MACC1: variants seen among roughly 807,000 people sequenced by gnomAD.
The protein encoded by MACC1 is MET transcriptional regulator MACC1, also known as metastasis-associated in colon cancer protein 1.
Under a neutral mutation model 70.7 loss-of-function variants are expected in MACC1, and 79 were observed. The ratio of observed to expected loss-of-function variants is 1.12; its 90% CI spans 0.93 to 1.35. The LOEUF (loss-of-function observed/expected upper bound fraction) is 1.35. Ranked by LOEUF, MACC1 falls within the 40% of genes most tolerant of loss-of-function variation. The pLI is 0.00. For synonymous variants in MACC1, 361 were observed against 347.2 expected (o/e 1.04, Z -0.44); for missense variants, 1,106 against 978.1 (o/e 1.13, Z -1.74).
chr7:20,162,259 T>C (rs1213742974), intron 3 of MACC1, among the ~76,000 whole-genome samples: 2 of 152,152 alleles, frequency 1.3e-5, no homozygotes, highest in African/African-American at 2.4e-5. Context: ...AATCCTTGTA[T>C]ACATTCGATG....
intron 6 of MACC1, among the ~76,000 whole-genome samples, chr7:20,145,745 T>G (rs998602772): frequency 4.6e-5 from 7 of 152,080 alleles, no homozygotes; most frequent in African/African-American, 1.7e-4. Flanking sequence ...GGCACAAAAT[T>G]AGAGGGGCAA....
intron 1 of MACC1, among the ~76,000 whole-genome samples, chr7:20,197,507 T>G (rs981416749): frequency 5.3e-5 from 8 of 152,246 alleles, no homozygotes; most frequent in Non-Finnish European, 1.0e-4. Flanking sequence ...TTTTTACATG[T>G]TGTCCTGGCT....
Position 20,135,608 on chromosome 7 carries a change from G to C in MACC1, c.*5338C>G, listed in dbSNP as rs772409285. The C allele has an allele frequency of 2.6e-5, 4 of 152,210 alleles. No individual in the cohort carries two copies. The highest frequency in any genetic ancestry group is 4.1e-4 in the South Asian group (2 of 4,834). 9.4% of individuals were successfully genotyped at this position (152,210 alleles called of 1,614,324 possible). A position where few individuals can be genotyped will look rare whatever the true frequency, so the allele number is the denominator to read the frequency against. ...CAGACCCTCTGAATGAGAAATTCTG[G>C]TGGTCGAGCCCAGCAGTCTGTTTCA... On this transcript the variant is annotated 3_prime_UTR_variant, in exon 7 of 7. Coordinates refer to ENST00000400331, the MANE Select transcript of MACC1 (RefSeq NM_182762.4).
Position 20,160,136 on chromosome 7 carries a change from G to T in MACC1, c.225C>A (p.Asn75Lys). 1 of 1,613,310 alleles carries T rather than the reference G, an allele frequency of 6.2e-7. No homozygotes were observed. Among genetic ancestry groups the T allele is most frequent in the Non-Finnish European group, 8.5e-7 (1 of 1,179,806 alleles). Reference sequence around the variant, plus strand: ...GTTGAGTTATGTCATCCAAAAATGGGTTAGAAGCAGACAGTTGATTCCAGA... The same window carrying T: ...GTTGAGTTATGTCATCCAAAAATGGTTTAGAAGCAGACAGTTGATTCCAGA... The part of the protein sequence containing the change: ...NPFWNQLSAS[N>K]PFLDDITQLR... Residue 75 changes from asparagine to lysine, a missense_variant, in exon 5 of 7, where the codon AAC becomes AAA. Coordinates refer to ENST00000400331, the MANE Select transcript of MACC1 (RefSeq NM_182762.4).
rs117126221 is a variant in MACC1, at chr7:20,213,783, G to A, written c.-218+3516C>T. 7.5e-3 allele frequency among the ~76,000 whole-genome samples: 1,142 copies of A among 152,102 alleles called. 26 individuals carry two copies. The highest frequency in any genetic ancestry group is 0.037 in the Admixed American group (560 of 15,282). On this transcript the variant is annotated intron_variant, in intron 1 of 6. Transcript: ENST00000400331. ...GGTGGAGGGTGGGAGGAGGCAGAGGGTCAAGATAAATAACTTGGGTACTAG... is the reference window on the plus strand; with the variant it reads ...GGTGGAGGGTGGGAGGAGGCAGAGGATCAAGATAAATAACTTGGGTACTAG...
Position 20,205,696 on chromosome 7 carries a change from G to T in MACC1, c.-218+11603C>A, listed in dbSNP as rs376854401. Among the ~76,000 whole-genome samples the T allele has an allele frequency of 2.6e-3, 396 of 151,852 alleles. 2 individuals are homozygous for T. Among genetic ancestry groups the T allele is most frequent in the African/African-American group, 9.2e-3 (380 of 41,424 alleles). On this transcript the variant is annotated intron_variant, in intron 1 of 6. Transcript: ENST00000400331. Reference sequence around the variant, plus strand: ...TTTAAACATTTCTCAAGGGTTTTTTGTTTGTTTGTTTGTTTCTTCTCACTT... The same window carrying T: ...TTTAAACATTTCTCAAGGGTTTTTTTTTTGTTTGTTTGTTTCTTCTCACTT...
intron 1 of MACC1, among the ~76,000 whole-genome samples, chr7:20,200,935 A>T (rs185288361): frequency 8.2e-4 from 125 of 152,330 alleles, no homozygotes; most frequent in African/African-American, 2.7e-3. Context: ...AAAAGTATCA[A>T]CCTAAGCCTA....
intron 1 of MACC1, among the ~76,000 whole-genome samples, chr7:20,206,956 T>C (rs1026833640): frequency 2.0e-5 from 3 of 152,190 alleles, no homozygotes; most frequent in Non-Finnish European, 2.9e-5. Context: ...CTCTAAAATC[T>C]TCTGCCACGT....
chr7:20,193,545 G>A (rs1270308497), intron 1 of MACC1, among the ~76,000 whole-genome samples: 1 of 152,146 alleles, frequency 6.6e-6, no homozygotes, highest in African/African-American at 2.4e-5. Context: ...GTTGCATCCT[G>A]TTATAGACAA....
chr7:20,178,185 C>CA (rs1473572613), intron 1 of MACC1, among the ~76,000 whole-genome samples: 1 of 151,506 alleles, frequency 6.6e-6, no homozygotes, highest in Non-Finnish European at 1.5e-5. Context: ...TACTCTAAAA[C>CA]AAAAAATGAT....
chr7:20,137,138 C>A lies in MACC1; in HGVS notation c.*3808G>T, dbSNP rs558310931. 237 of 152,032 alleles carry A rather than the reference C, an allele frequency of 1.6e-3. No individual in the cohort carries two copies. Among genetic ancestry groups the A allele is most frequent in the African/African-American group, 5.5e-3 (227 of 41,508 alleles). 9.4% of individuals were successfully genotyped at this position (152,032 alleles called of 1,614,324 possible). On this transcript the variant is annotated 3_prime_UTR_variant, in exon 7 of 7. Transcript: ENST00000400331. ...ATATAAACAATTACAGAAAACATAA[C>A]AATAGCACAATATAAAAATTCAAGT...
intron 1 of MACC1, among the ~76,000 whole-genome samples, chr7:20,207,857 G>A (rs1181164073): frequency 6.6e-6 from 1 of 152,090 alleles, no homozygotes. Flanking sequence ...CACTGATATG[G>A]TTTGGCTGTG....
At chr7:20,151,306 T>A (rs1781973994) in intron 6 of MACC1, among the ~76,000 whole-genome samples, 1 of 152,174 alleles carries the variant, frequency 6.6e-6, no homozygotes, top group Non-Finnish European at 1.5e-5. Context: ...ATTTAAAAAG[T>A]GAGCTATTTT....
At chr7:20,147,773 G>A (rs963609595) in intron 6 of MACC1, among the ~76,000 whole-genome samples, 1 of 152,102 alleles carries the variant, frequency 6.6e-6, no homozygotes, top group Non-Finnish European at 1.5e-5. Context: ...GGAACTTCAG[G>A]GGTTAAGCAT....
chr7:20,143,336 A>G (rs1395829539), intron 6 of MACC1, among the ~76,000 whole-genome samples: 1 of 152,230 alleles, frequency 6.6e-6, no homozygotes, highest in Non-Finnish European at 1.5e-5. Context: ...GCACTTACGC[A>G]GAGCACCACA....
At chr7:20,217,027 G>A (rs1466240830) in intron 1 of MACC1, among the ~76,000 whole-genome samples, 1 of 152,028 alleles carries the variant, frequency 6.6e-6, no homozygotes, top group Non-Finnish European at 1.5e-5. Context: ...TGCCTTTGAT[G>A]GTTAATGTGA....
chr7:20,135,445 A>G lies in MACC1; in HGVS notation c.*5501T>C, dbSNP rs1176848767. On this transcript the variant is annotated 3_prime_UTR_variant, in exon 7 of 7. Coordinates refer to ENST00000400331, the MANE Select transcript of MACC1 (RefSeq NM_182762.4). ...GTGAAATCTCATTTATCTTAAAGCA[A>G]ATTAGAGGACTTATAAAAAATCTTT... The G allele has an allele frequency of 6.6e-6, 1 of 152,218 alleles. No homozygotes were observed. The highest frequency in any genetic ancestry group is 1.5e-5 in the Non-Finnish European group (1 of 68,036). 9.4% of individuals were successfully genotyped at this position (152,218 alleles called of 1,614,324 possible).
Position 20,159,338 on chromosome 7 carries a change from A to G in MACC1, c.1023T>C (p.Ser341=). ...DTIQVKLIDL[S]QVMYLVVAAQ... is the part of the protein sequence containing the mutation. Reference sequence around the variant, plus strand: ...CAGCAACCACTAGATACATTACCTGACTCAAGTCGATTAGCTTGACTTGGA... The same window carrying G: ...CAGCAACCACTAGATACATTACCTGGCTCAAGTCGATTAGCTTGACTTGGA... Residue 341 remains serine (S), a synonymous_variant, in exon 5 of 7, where the codon AGT becomes AGC. Transcript: ENST00000400331. 4 of 1,614,012 alleles carry G rather than the reference A, an allele frequency of 2.5e-6. No individual in the cohort carries two copies. The Middle Eastern group carries it at 6.6e-4, about 266-fold the overall frequency.
At chr7:20,141,740 A>G (rs1781806975) in intron 6 of MACC1, among the ~76,000 whole-genome samples, 1 of 152,152 alleles carries the variant, frequency 6.6e-6, no homozygotes, top group African/African-American at 2.4e-5. Context: ...AGAAAAACCA[A>G]TACTCAGTGC....
Sources: allele counts gnomAD v4.1 joint callset (sites outside exome capture counted in the v4.1 genomes callset), GRCh38; gene constraint gnomAD v4.1.1; transcripts MANE v1.5; gene names NCBI Gene and HGNC (gene_info 2026-07-23, HGNC 2026-07-21).